KRT80: variants seen among roughly 807,000 people sequenced by gnomAD.
The protein encoded by KRT80 is keratin 80, also known as keratin, type II cytoskeletal 80.
Under a neutral mutation model 51.5 loss-of-function variants are expected in KRT80, and 36 were observed. That is an observed-to-expected ratio of 0.70 (90% CI 0.54 to 0.92). The LOEUF (loss-of-function observed/expected upper bound fraction) is 0.92. KRT80 is among the 40% of genes least tolerant of loss of function. The pLI, the probability that KRT80 is intolerant of heterozygous loss-of-function variation, is 0.00. For missense variants in KRT80, 566 were observed against 591.7 expected (o/e 0.96, Z 0.45); for synonymous variants, 235 against 248.3 (o/e 0.95, Z 0.50).
Position 52,171,601 on chromosome 12 carries a change from G to C in KRT80, c.1234+57C>G, listed in dbSNP as rs755725123. 9 of 1,608,874 alleles carry C rather than the reference G, an allele frequency of 5.6e-6. No homozygotes were observed. In the East Asian group the frequency reaches 1.6e-4, roughly 28 times the overall value. On this transcript the variant is annotated intron_variant, in intron 8 of 8. Coordinates refer to ENST00000394815, the MANE Select transcript of KRT80 (RefSeq NM_182507.3). ...CTTAAAATGATGCCTTTAGGATCAT[G>C]ATCCCCTACACCCTCACCCTCACCC...
chr12:52,185,664 G>A, intron 1 of KRT80, 77 bp from the exon 2 acceptor site: 1 of 1,551,690 alleles, frequency 6.4e-7, no homozygotes, highest in Non-Finnish European at 8.7e-7. Flanking sequence ...ACCAGCAAGA[G>A]CCCACGGAGG....
chr12:52,188,514 G>A (rs569360078), intron 1 of KRT80, among the ~76,000 whole-genome samples: 17 of 152,364 alleles, frequency 1.1e-4, no homozygotes, highest in African/African-American at 3.8e-4. Context: ...CCTTAGCGGG[G>A]GCTGTTGAAT....
rs759347199 is a variant in KRT80 at position 52,180,907 on chromosome 12, T to C, written c.566A>G (p.Lys189Arg). The change falls in exon 3 of 9, where the codon AAG becomes AGG. Residue 189 changes from lysine (K) to arginine (R), a missense_variant. Coordinates refer to ENST00000394815, the MANE Select transcript of KRT80 (RefSeq NM_182507.3). ...GGGGCAGGCTGGGCAGGCTACCTTC[T>C]TCAGCTGAACAAAGGTGAACTCCAT... ...TDMEFTFVQLKKDLDAECLHR... is the reference protein window; with the variant it reads ...TDMEFTFVQLRKDLDAECLHR... 2.5e-6 allele frequency: 4 copies of C among 1,587,752 alleles called. No individual in the cohort carries two copies. Among genetic ancestry groups the C allele is most frequent in the Non-Finnish European group, 3.4e-6 (4 of 1,170,710 alleles).
At position 52,185,272 on chromosome 12, in the gene KRT80, G is replaced by A. The variant is rs1941385137; in HGVS notation, c.509+107C>T. The A allele has an allele frequency of 5.5e-6, 6 of 1,094,084 alleles. No individual in the cohort carries two copies. The Admixed American group carries it at 1.3e-4, about 24-fold the overall frequency. 67.8% of individuals were successfully genotyped at this position (1,094,084 alleles called of 1,614,324 possible). A position where few individuals can be genotyped will look rare whatever the true frequency, so the allele number is the denominator to read the frequency against. ...CAATAAATGTCTCAGGTAAAGAAAT[G>A]TTGCAGAACATCTTTCCTCTTTCTC... On this transcript the variant is annotated intron_variant, in intron 2 of 8. Transcript: ENST00000394815.
chr12:52,177,563 G>A (rs1048106476), intron 4 of KRT80, among the ~76,000 whole-genome samples: 1 of 152,144 alleles, frequency 6.6e-6, no homozygotes, highest in Non-Finnish European at 1.5e-5. Flanking sequence ...TGCAGTAGAT[G>A]AGGCCTGAGC....
At position 52,173,767 on chromosome 12, in the gene KRT80, G is replaced by A. The variant is rs780928667; in HGVS notation, c.667-3C>T. On this transcript the variant is annotated splice_region_variant and splice_polypyrimidine_tract_variant and intron_variant, in intron 4 of 8. Coordinates refer to ENST00000394815, the MANE Select transcript of KRT80 (RefSeq NM_182507.3). ...TGTGCTGCCAGGTCCTTCAGCTCCTGACCGGGCACAGATGTGGGGGCTCAG... is the reference window on the plus strand; with the variant it reads ...TGTGCTGCCAGGTCCTTCAGCTCCTAACCGGGCACAGATGTGGGGGCTCAG... 7.5e-6 allele frequency: 12 copies of A among 1,609,068 alleles called. No individual in the cohort carries two copies. The highest frequency in any genetic ancestry group is 9.3e-6 in the Non-Finnish European group (11 of 1,179,886).
chr12:52,182,482 T>C (rs1459166958), intron 2 of KRT80, among the ~76,000 whole-genome samples: 3 of 152,196 alleles, frequency 2.0e-5, no homozygotes, highest in Non-Finnish European at 2.9e-5. Flanking sequence ...GGTGAGTTCC[T>C]GTGTGCCTCA....
At chr12:52,173,885 C>T in intron 4 of KRT80, 121 bp from the exon 5 acceptor site, 1 of 1,018,976 alleles carries the variant, frequency 9.8e-7, no homozygotes, top group Non-Finnish European at 1.4e-6. Flanking sequence ...TCCTGTCCCT[C>T]TGGAGAGATG....
Position 52,180,591 on chromosome 12 carries a change from A to G in KRT80, c.588T>C (p.Cys196=). The change falls in exon 4 of 9, where the codon TGT becomes TGC. Residue 196 remains cysteine (C), a synonymous_variant. Transcript: ENST00000394815. Reference sequence around the variant, plus strand: ...TGGTTTCCAGTTCAGTCCGATGAAGACACTCTGCATCCAGGTCCTGGGGTT... The same window carrying G: ...TGGTTTCCAGTTCAGTCCGATGAAGGCACTCTGCATCCAGGTCCTGGGGTT... The part of the protein sequence containing the change: ...VQLKKDLDAE[C]LHRTELETKL... The G allele has an allele frequency of 6.6e-7, 1 of 1,505,970 alleles. No homozygotes were observed. The highest frequency in any genetic ancestry group is 8.9e-7 in the Non-Finnish European group (1 of 1,128,364). 93.3% of individuals were successfully genotyped at this position (1,505,970 alleles called of 1,614,324 possible). A position where few individuals can be genotyped will look rare whatever the true frequency, so the allele number is the denominator to read the frequency against.
intron 2 of KRT80, among the ~76,000 whole-genome samples, 181 bp downstream of exon 2, chr12:52,185,198 C>T (rs2120932274): frequency 6.6e-6 from 1 of 152,348 alleles, no homozygotes; most frequent in East Asian, 1.9e-4. Context: ...TGTAGGTTCA[C>T]AGCCATATCC....
chr12:52,176,624 G>A (rs2120889839), intron 4 of KRT80, among the ~76,000 whole-genome samples: 1 of 152,240 alleles, frequency 6.6e-6, no homozygotes, highest in East Asian at 1.9e-4. Flanking sequence ...TGGGATTACA[G>A]GCATGCGCCA....
At chr12:52,173,908 A>G (rs1244747132) in intron 4 of KRT80, 144 bp from the exon 5 acceptor site, 1 of 832,332 alleles carries the variant, frequency 1.2e-6, no homozygotes, top group East Asian at 2.7e-5. Flanking sequence ...GGAAGGCCGA[A>G]TGCCTCCCTG....
At position 52,172,377 on chromosome 12, in the gene KRT80, C is replaced by A. The variant is rs570312694; in HGVS notation, c.999G>T (p.Gln333His). The A allele has an allele frequency of 6.2e-7, 1 of 1,614,040 alleles. No individual in the cohort carries two copies. The highest frequency in any genetic ancestry group is 1.3e-5 in the African/African-American group (1 of 74,954). The change falls in exon 7 of 9, where the codon CAG becomes CAT. Residue 333 changes from glutamine to histidine, a missense_variant. Physicochemically the swap from Gln to His is conservative, Grantham distance 24. Transcript: ENST00000394815. Reference sequence around the variant, plus strand: ...TGGCATCCTGGAAGGCCAGCTCACCCTGCTCCTCAGCTGTCTTGATGTTCT... The same window carrying A: ...TGGCATCCTGGAAGGCCAGCTCACCATGCTCCTCAGCTGTCTTGATGTTCT... ...LEENIKTAEE[Q>H]GELAFQDAKT...
rs1941485984 is a variant in KRT80, at chr12:52,191,824, C to T, written c.79G>A (p.Gly27Arg). 2 of 1,594,810 alleles carry T rather than the reference C, an allele frequency of 1.3e-6. No individual in the cohort carries two copies. The highest frequency in any genetic ancestry group is 2.3e-5 in the East Asian group (1 of 44,274). ...EVTPVGSPRP[G>R]TSGWDSCRAP... ...CTGCAGCTGTCCCATCCTGAGGTTCCAGGCCGGGGGCTGCCCACCGGGGTC... is the reference window on the plus strand; with the variant it reads ...CTGCAGCTGTCCCATCCTGAGGTTCTAGGCCGGGGGCTGCCCACCGGGGTC... The change falls in exon 1 of 9, where the codon GGA becomes AGA. Residue 27 changes from glycine to arginine, a missense_variant. Transcript: ENST00000394815.
intron 1 of KRT80, among the ~76,000 whole-genome samples, chr12:52,186,095 G>T (rs1169321752): frequency 6.6e-6 from 1 of 152,018 alleles, no homozygotes; most frequent in African/African-American, 2.4e-5. Flanking sequence ...CCAGCTAGAA[G>T]TTAGGAATGA....
At chr12:52,185,924 AC>A (rs1941398201) in intron 1 of KRT80, among the ~76,000 whole-genome samples, 1 of 150,852 alleles carries the variant, frequency 6.6e-6, no homozygotes, top group Non-Finnish European at 1.5e-5. Context: ...GGGGCGGGAG[AC>A]CCCAGGGAAC....
chr12:52,185,848 A>T (rs759301418), intron 1 of KRT80: 65 of 606,416 alleles, frequency 1.1e-4, no homozygotes, highest in Middle Eastern at 4.1e-4. Flanking sequence ...GGGCTGGCAG[A>T]GGAAGGGGGT....
At chr12:52,187,727 C>T (rs1260777846) in intron 1 of KRT80, among the ~76,000 whole-genome samples, 1 of 152,108 alleles carries the variant, frequency 6.6e-6, no homozygotes, top group African/African-American at 2.4e-5. Context: ...GGATGGAGGT[C>T]AAGAGGGTTT....
At chr12:52,180,452 T>A in intron 4 of KRT80, 61 bp downstream of exon 4, 1 of 1,188,780 alleles carries the variant, frequency 8.4e-7, no homozygotes, top group Non-Finnish European at 1.1e-6. Flanking sequence ...TTCCCCTGTG[T>A]CCTTTACCCA....
Sources: allele counts gnomAD v4.1 joint callset (sites outside exome capture counted in the v4.1 genomes callset), GRCh38; gene constraint gnomAD v4.1.1; transcripts MANE v1.5; gene names NCBI Gene and HGNC (gene_info 2026-07-23, HGNC 2026-07-21).